The following MARCHF3 variants were observed in gnomAD, a reference collection of about 807,000 sequenced individuals.
MARCHF3 encodes membrane associated ring-CH-type finger 3, also known as E3 ubiquitin-protein ligase MARCHF3.
MARCHF3 carries 13 observed loss-of-function variants against 24.2 expected under a neutral mutation model. That is an observed-to-expected ratio of 0.54 (90% confidence interval 0.35 to 0.85). The LOEUF is 0.85. Ranked by LOEUF, MARCHF3 falls within the 40% of genes least tolerant of loss-of-function variation. The probability of loss-of-function intolerance (pLI) is 0.01; values close to 1 mark genes in which losing one functional copy is unlikely to be tolerated. For synonymous variants in MARCHF3, 144 were observed against 137.3 expected (o/e 1.05, Z -0.34); for missense variants, 276 against 325.0 (o/e 0.85, Z 1.16).
chr5:126,895,110 G>A lies in MARCHF3; in HGVS notation c.394-16716C>T, dbSNP rs186200684. ...CTTCCAGTTGATCGCATCAGCTCCT[G>A]AGGCTTCTGCATTCTTCACGTAGTT... On this transcript the variant is annotated intron_variant, in intron 3 of 4. Transcript: ENST00000308660. Among the ~76,000 whole-genome samples, 1,163 of 152,062 alleles carry A rather than the reference G, an allele frequency of 7.6e-3. 8 individuals carry two copies. Among genetic ancestry groups the A allele is most frequent in the Middle Eastern group, 0.017 (5 of 294 alleles).
At chr5:126,952,608 GTTT>G (rs1368386991) in intron 1 of MARCHF3, among the ~76,000 whole-genome samples, 1 of 151,776 alleles carries the variant, frequency 6.6e-6, no homozygotes, top group African/African-American at 2.4e-5. Context: ...CTTTCCCCAC[GTTT>G]TGTTATTTTT....
At chr5:126,915,343 G>C (rs73335489) in intron 2 of MARCHF3, among the ~76,000 whole-genome samples, 2,403 of 152,288 alleles carry the variant, frequency 0.016, 60 homozygotes, top group African/African-American at 0.052. Flanking sequence ...AAGAAATAGG[G>C]GATTGCCAAT....
Position 127,010,290 on chromosome 5 carries a change from GA to G in MARCHF3, c.-57+20059del, listed in dbSNP as rs1295623891. ...ATTTATTAGTTATTCAAACATTTAG[GA>G]AATTATAAAGGACAACCAAAATCAA... On this transcript the variant is annotated intron_variant, in intron 1 of 4. Coordinates refer to ENST00000308660, the MANE Select transcript of MARCHF3 (RefSeq NM_178450.5). 5.5e-4 allele frequency among the ~76,000 whole-genome samples: 84 copies of G among 152,260 alleles called. 1 individual carries two copies. The highest frequency in any genetic ancestry group is 2.0e-3 in the African/African-American group (83 of 41,558).
At chr5:126,887,314 C>T (rs918186184) in intron 3 of MARCHF3, among the ~76,000 whole-genome samples, 4 of 152,090 alleles carry the variant, frequency 2.6e-5, no homozygotes, top group South Asian at 2.1e-4. Context: ...TTCCATTGAG[C>T]GATGCAGAAA....
intron 1 of MARCHF3, among the ~76,000 whole-genome samples, chr5:127,003,412 G>GGCCTTCT (rs1752199875): frequency 4.0e-5 from 6 of 150,420 alleles, no homozygotes; most frequent in African/African-American, 1.5e-4. Context: ...AGCTTGCAGT[G>GGCCTTCT]AGCCGAGATC....
chr5:126,916,177 C>T (rs779604240), intron 2 of MARCHF3, among the ~76,000 whole-genome samples: 4 of 152,220 alleles, frequency 2.6e-5, no homozygotes, highest in African/African-American at 7.2e-5. Flanking sequence ...GGCCTCACTG[C>T]TTGGGAGGTA....
chr5:126,908,849 T>G (rs985079431), intron 3 of MARCHF3, among the ~76,000 whole-genome samples: 7 of 152,142 alleles, frequency 4.6e-5, no homozygotes, highest in Non-Finnish European at 8.8e-5. Flanking sequence ...TCCAGCTTTG[T>G]TCTGTTGCTG....
chr5:126,889,734 A>C (rs1580604310), intron 3 of MARCHF3, among the ~76,000 whole-genome samples: 1 of 152,190 alleles, frequency 6.6e-6, no homozygotes, highest in East Asian at 1.9e-4. Flanking sequence ...GGCTGACATT[A>C]GATACATCCT....
rs1415991166 is a variant in MARCHF3 at position 126,869,178 on chromosome 5, C to A, written c.*1455G>T. The A allele has an allele frequency of 1.3e-5, 2 of 152,240 alleles. No homozygotes were observed. The highest frequency in any genetic ancestry group is 2.9e-5 in the Non-Finnish European group (2 of 68,046). 9.4% of individuals were successfully genotyped at this position (152,240 alleles called of 1,614,324 possible). A position where few individuals can be genotyped will look rare whatever the true frequency, so the allele number is the denominator to read the frequency against. On this transcript the variant is annotated 3_prime_UTR_variant, in exon 5 of 5. Transcript: ENST00000308660. ...TCGCTACCCTCCTCGCTGCCTGTTCCTTTGCACTTCTCGTTTTCCCACTTG... is the reference window on the plus strand; with the variant it reads ...TCGCTACCCTCCTCGCTGCCTGTTCATTTGCACTTCTCGTTTTCCCACTTG...
intron 1 of MARCHF3, among the ~76,000 whole-genome samples, chr5:126,940,546 C>T (rs1361743202): frequency 6.6e-6 from 1 of 152,160 alleles, no homozygotes; most frequent in Non-Finnish European, 1.5e-5. Context: ...CTCACAGATT[C>T]AAGCAATTCT....
chr5:126,906,535 T>C (rs907766166), intron 3 of MARCHF3, among the ~76,000 whole-genome samples: 2 of 152,240 alleles, frequency 1.3e-5, no homozygotes, highest in African/African-American at 4.8e-5. Context: ...TTCTTCCTGG[T>C]TCAGTCTTGG....
At chr5:127,019,714 C>T (rs1174658869) in intron 1 of MARCHF3, among the ~76,000 whole-genome samples, 1 of 152,176 alleles carries the variant, frequency 6.6e-6, no homozygotes, top group Admixed American at 6.5e-5. Flanking sequence ...CATCACTGTG[C>T]CACTGAATCA....
chr5:126,948,921 C>T (rs1451968043), intron 1 of MARCHF3, among the ~76,000 whole-genome samples: 3 of 152,046 alleles, frequency 2.0e-5, no homozygotes, highest in African/African-American at 2.4e-5. Flanking sequence ...TGTGAGTGTG[C>T]CTTTGTCGGC....
intron 1 of MARCHF3, among the ~76,000 whole-genome samples, chr5:126,980,515 T>G (rs1229061719): frequency 6.6e-6 from 1 of 151,952 alleles, no homozygotes; most frequent in African/African-American, 2.4e-5. Flanking sequence ...GGACTACAGG[T>G]GCGCACCACC....
At chr5:126,910,625 TCTTTA>T (rs1196805505) in intron 3 of MARCHF3, among the ~76,000 whole-genome samples, 36 of 152,250 alleles carry the variant, frequency 2.4e-4, no homozygotes, top group African/African-American at 5.3e-4. Context: ...CCTATGCCTG[TCTTTA>T]CTTTAATCTC....
intron 1 of MARCHF3, among the ~76,000 whole-genome samples, chr5:126,984,944 T>G (rs190849572): frequency 1.8e-4 from 27 of 152,200 alleles, no homozygotes; most frequent in Admixed American, 1.8e-3. Flanking sequence ...AGTGGAAAGG[T>G]GGGAGCTGGG....
intron 2 of MARCHF3, among the ~76,000 whole-genome samples, chr5:126,916,326 T>C (rs1754729496): frequency 6.6e-6 from 1 of 152,158 alleles, no homozygotes; most frequent in African/African-American, 2.4e-5. Flanking sequence ...CTGCCCTCCC[T>C]TGCCTCTCTG....
At chr5:126,965,717 A>G (rs1026390870) in intron 1 of MARCHF3, among the ~76,000 whole-genome samples, 2 of 152,282 alleles carry the variant, frequency 1.3e-5, no homozygotes, top group Middle Eastern at 3.4e-3. Context: ...AGAGAAAGAG[A>G]GGATTTTCTC....
At chr5:127,011,068 A>G (rs1752456365) in intron 1 of MARCHF3, among the ~76,000 whole-genome samples, 2 of 152,236 alleles carry the variant, frequency 1.3e-5, no homozygotes, top group South Asian at 4.1e-4. Context: ...ATAATAAAAA[A>G]TACTTTTTCC....
Sources: gnomAD v4.1 joint callset for allele counts (sites outside exome capture counted in the v4.1 genomes callset) on GRCh38, gnomAD v4.1.1 for gene constraint, MANE v1.5 for transcripts, NCBI Gene and HGNC (gene_info 2026-07-23, HGNC 2026-07-21) for gene names.